Variants in TYR observed in about 807,000 individuals in gnomAD.
The protein encoded by TYR is tyrosinase, also known as LB24-AB.
TYR carries 58 observed loss-of-function variants against 51.5 expected under a neutral mutation model. That is an observed-to-expected ratio of 1.13 (90% CI 0.91 to 1.40). TYR has a LOEUF of 1.40. TYR is among the 40% of genes most tolerant of loss of function. The pLI, the probability that TYR is intolerant of heterozygous loss-of-function variation, is 0.00. For missense variants in TYR, 732 were observed against 647.4 expected (o/e 1.13, Z -1.42); for synonymous variants, 263 against 235.2 (o/e 1.12, Z -1.08).
At chr11:89,250,345 C>T (rs1334531839) in intron 3 of TYR, among the ~76,000 whole-genome samples, 4 of 151,876 alleles carry the variant, frequency 2.6e-5, no homozygotes, top group East Asian at 1.9e-4. Flanking sequence ...TTAAATAATT[C>T]GCCCAAAGTT....
At chr11:89,293,369 AC>A (rs201704015) in intron 4 of TYR, among the ~76,000 whole-genome samples, 3,012 of 143,132 alleles carry the variant, frequency 0.021, 54 homozygotes, top group Non-Finnish European at 0.034. Flanking sequence ...ACACACACAC[AC>A]AACCCAGAAT....
intron 4 of TYR, among the ~76,000 whole-genome samples, chr11:89,285,640 T>C (rs1383194310): frequency 2.0e-5 from 3 of 151,772 alleles, no homozygotes; most frequent in Non-Finnish European, 4.4e-5. Context: ...TACCTGAAAG[T>C]CCACTACATG....
intron 2 of TYR, among the ~76,000 whole-genome samples, chr11:89,215,972 G>T (rs765926598): frequency 2.0e-5 from 3 of 152,126 alleles, no homozygotes; most frequent in Non-Finnish European, 4.4e-5. Flanking sequence ...TTATAATGAA[G>T]AAAATAATTT....
Position 89,205,406 on chromosome 11 carries a change from G to A in TYR, c.1036+13988G>A, listed in dbSNP as rs188460330. ...AGAAACTACAAATTAAAGAATCAGA[G>A]TTAAACCCAATTTAATAAATCCCAT... On this transcript the variant is annotated intron_variant, in intron 2 of 4. Coordinates refer to ENST00000263321, the MANE Select transcript of TYR (RefSeq NM_000372.5). Among the ~76,000 whole-genome samples the A allele has an allele frequency of 7.7e-4, 117 of 152,094 alleles. 1 individual carries two copies. Among genetic ancestry groups the A allele is most frequent in the Admixed American group, 2.3e-3 (35 of 15,264 alleles).
intron 2 of TYR, among the ~76,000 whole-genome samples, chr11:89,223,714 G>C (rs1943941525): frequency 6.6e-6 from 1 of 152,064 alleles, no homozygotes; most frequent in Admixed American, 6.6e-5. Flanking sequence ...CTCTAATTCT[G>C]AGGTGTCTCT....
chr11:89,220,716 T>C (rs1272870119), intron 2 of TYR, among the ~76,000 whole-genome samples: 2 of 152,002 alleles, frequency 1.3e-5, no homozygotes, highest in Non-Finnish European at 1.5e-5. Flanking sequence ...ATCACACCAC[T>C]GCACTCCAGC....
chr11:89,256,893 A>G (rs1232299794), intron 3 of TYR, among the ~76,000 whole-genome samples: 1 of 151,910 alleles, frequency 6.6e-6, no homozygotes, highest in Non-Finnish European at 1.5e-5. Context: ...ATAGCTCATG[A>G]GTATACTAGT....
chr11:89,182,427 T>C (rs1194766995), intron 1 of TYR, among the ~76,000 whole-genome samples: 1 of 152,140 alleles, frequency 6.6e-6, no homozygotes, highest in Non-Finnish European at 1.5e-5. Flanking sequence ...AATTTGGGTA[T>C]AATATATCTT....
chr11:89,264,169 C>T (rs1442918099), intron 3 of TYR, among the ~76,000 whole-genome samples: 1 of 151,906 alleles, frequency 6.6e-6, no homozygotes, highest in Admixed American at 6.6e-5. Context: ...CTCCCACTGC[C>T]AATCCAGAGG....
chr11:89,231,794 G>T (rs541196085), intron 3 of TYR, among the ~76,000 whole-genome samples: 2 of 141,350 alleles, frequency 1.4e-5, no homozygotes, highest in Admixed American at 7.0e-5. Flanking sequence ...GGCCATGCTA[G>T]GCAACACAGT....
chr11:89,254,571 A>T (rs148968338), intron 3 of TYR, among the ~76,000 whole-genome samples: 2,376 of 151,782 alleles, frequency 0.016, 64 homozygotes, highest in African/African-American at 0.054. Flanking sequence ...TATTTCCAGG[A>T]ATTTATCCAT....
chr11:89,243,327 T>A (rs1056996734), intron 3 of TYR, among the ~76,000 whole-genome samples: 1 of 152,170 alleles, frequency 6.6e-6, no homozygotes, highest in African/African-American at 2.4e-5. Flanking sequence ...AGCTTCTGCA[T>A]TCTTCCTAAA....
At chr11:89,252,916 A>T (rs1944347258) in intron 3 of TYR, among the ~76,000 whole-genome samples, 1 of 151,800 alleles carries the variant, frequency 6.6e-6, no homozygotes, top group Non-Finnish European at 1.5e-5. Context: ...TTTTAAAATA[A>T]ATAAATAGAG....
In TYR at chr11:89,191,424, CTCTT is replaced by C. The variant is rs760279480; in HGVS notation, c.1036+12_1036+15del. 2 of 1,611,436 alleles carry C rather than the reference CTCTT, an allele frequency of 1.2e-6. No individual in the cohort carries two copies. Among genetic ancestry groups the C allele is most frequent in the African/African-American group, 2.7e-5 (2 of 74,930 alleles). On this transcript the variant is annotated splice_region_variant and intron_variant, in intron 2 of 4. Transcript: ENST00000263321. Reference sequence around the variant, plus strand: ...CTTTAGAAATACACTGGAAGGTAATCTCTTTCTTTTCACTTTTAATTTTTTTTCT... The same window carrying C: ...CTTTAGAAATACACTGGAAGGTAATCTCTTTTCACTTTTAATTTTTTTTCT...
chr11:89,253,475 G>A (rs1944353376), intron 3 of TYR, among the ~76,000 whole-genome samples: 1 of 151,746 alleles, frequency 6.6e-6, no homozygotes, highest in Non-Finnish European at 1.5e-5. Context: ...CCATTTGTTT[G>A]TGTTGTCTAT....
At chr11:89,220,189 AG>A (rs1943889507) in intron 2 of TYR, among the ~76,000 whole-genome samples, 1 of 152,146 alleles carries the variant, frequency 6.6e-6, no homozygotes, top group East Asian at 1.9e-4. Context: ...TAGGCCGTAC[AG>A]GAAGCACAGT....
intron 3 of TYR, among the ~76,000 whole-genome samples, chr11:89,277,368 G>C (rs887536339): frequency 6.6e-6 from 1 of 151,730 alleles, no homozygotes; most frequent in African/African-American, 2.4e-5. Flanking sequence ...TTCTCAAAGA[G>C]AGTGTGATTG....
intron 2 of TYR, among the ~76,000 whole-genome samples, chr11:89,196,564 C>T (rs1943522267): frequency 6.6e-6 from 1 of 152,134 alleles, no homozygotes; most frequent in Middle Eastern, 3.2e-3. Flanking sequence ...AAACTACCTT[C>T]ATTGTAAAAC....
intron 3 of TYR, among the ~76,000 whole-genome samples, chr11:89,265,061 T>C (rs1404415890): frequency 6.6e-6 from 1 of 152,056 alleles, no homozygotes; most frequent in Non-Finnish European, 1.5e-5. Context: ...GAGAAGCTCA[T>C]ATTTTTTCAA....
Sources: allele counts gnomAD v4.1 joint callset (sites outside exome capture counted in the v4.1 genomes callset), GRCh38; gene constraint gnomAD v4.1.1; transcripts MANE v1.5; gene names NCBI Gene and HGNC (gene_info 2026-07-23, HGNC 2026-07-21).